The following HCN1 variants were observed in gnomAD, a reference collection of about 807,000 sequenced individuals.
The protein encoded by HCN1 is hyperpolarization activated cyclic nucleotide gated potassium channel 1, also known as potassium/sodium hyperpolarization-activated cyclic nucleotide-gated channel 1.
Under a neutral mutation model 78.9 loss-of-function variants are expected in HCN1, and 13 were observed. The ratio of observed to expected loss-of-function variants is 0.16; its 90% CI spans 0.11 to 0.26. HCN1 has a LOEUF of 0.26. HCN1 is among the 10% of genes least tolerant of loss of function. The pLI, the probability that HCN1 is intolerant of heterozygous loss-of-function variation, is 1.00. For synonymous variants in HCN1, 552 were observed against 455.5 expected (o/e 1.21, Z -2.70); for missense variants, 810 against 1,154.3 (o/e 0.70, Z 4.32).
intron 3 of HCN1, among the ~76,000 whole-genome samples, chr5:45,415,954 T>C (rs1740109806): frequency 6.6e-6 from 1 of 152,002 alleles, no homozygotes; most frequent in African/African-American, 2.4e-5. Context: ...TGTTGTAAGT[T>C]AAAAAGCCAG....
intron 2 of HCN1, among the ~76,000 whole-genome samples, chr5:45,515,773 G>C (rs984689598): frequency 6.6e-6 from 1 of 151,866 alleles, no homozygotes; most frequent in African/African-American, 2.4e-5. Context: ...TATCTTTTCA[G>C]ATTCTAAGAA....
intron 4 of HCN1, among the ~76,000 whole-genome samples, chr5:45,383,829 T>C (rs1747863156): frequency 6.6e-6 from 1 of 152,156 alleles, no homozygotes; most frequent in Non-Finnish European, 1.5e-5. Flanking sequence ...TTCCACAATA[T>C]TTTAATAGTA....
intron 5 of HCN1, among the ~76,000 whole-genome samples, chr5:45,350,715 T>C (rs1422922503): frequency 6.6e-6 from 1 of 151,086 alleles, no homozygotes. Flanking sequence ...ATCACAAGCA[T>C]TCTTATACAC....
intron 1 of HCN1, among the ~76,000 whole-genome samples, chr5:45,693,431 G>A (rs1472099318): frequency 6.6e-6 from 1 of 151,968 alleles, no homozygotes; most frequent in Non-Finnish European, 1.5e-5. Flanking sequence ...ATTTGTGCCT[G>A]CCATTTTCTT....
chr5:45,264,227 T>G (rs1744809570), intron 7 of HCN1, among the ~76,000 whole-genome samples: 1 of 152,360 alleles, frequency 6.6e-6, no homozygotes, highest in African/African-American at 2.4e-5. Context: ...CAATAAATTT[T>G]ACCTTTTCCT....
chr5:45,696,213 C>T lies in HCN1; in HGVS notation c.-120G>A. 1 of 407,230 alleles carries T rather than the reference C, an allele frequency of 2.5e-6. No individual in the cohort carries two copies. Among genetic ancestry groups the T allele is most frequent in the Non-Finnish European group, 3.4e-6 (1 of 291,502 alleles). 25.2% of individuals were successfully genotyped at this position (407,230 alleles called of 1,614,324 possible). On this transcript the variant is annotated 5_prime_UTR_variant, in exon 1 of 8. Transcript: ENST00000303230. ...GCTGCCGGCGAGCCCAGCTGCCCGT[C>T]GCGGCGGCGGCGGCGGCGGCGGCGG...
Position 45,489,427 on chromosome 5 carries a change from A to G in HCN1, c.850-27420T>C, listed in dbSNP as rs191321528. On this transcript the variant is annotated intron_variant, in intron 2 of 7. Coordinates refer to ENST00000303230, the MANE Select transcript of HCN1 (RefSeq NM_021072.4). ...ATAAAATAAAAATGTATTTAAATCAATTCCAGAATAAAAGTGTTTTTCTGT... is the reference window on the plus strand; with the variant it reads ...ATAAAATAAAAATGTATTTAAATCAGTTCCAGAATAAAAGTGTTTTTCTGT... Among the ~76,000 whole-genome samples, 9 of 152,274 alleles carry G rather than the reference A, an allele frequency of 5.9e-5. No homozygotes were observed. In the East Asian group the frequency reaches 1.7e-3, roughly 29 times the overall value.
Position 45,399,345 on chromosome 5 carries a change from A to C in HCN1, c.1012-2635T>G, listed in dbSNP as rs546986428. On this transcript the variant is annotated intron_variant, in intron 3 of 7. Transcript: ENST00000303230. ...TGTGTGTGTGATGCTGCCATCCTGCAGCTCTGCTGCTCATGTTCACACCCT... is the reference window on the plus strand; with the variant it reads ...TGTGTGTGTGATGCTGCCATCCTGCCGCTCTGCTGCTCATGTTCACACCCT... Among the ~76,000 whole-genome samples, 8 of 152,358 alleles carry C rather than the reference A, an allele frequency of 5.3e-5. No individual in the cohort carries two copies. The East Asian group carries it at 1.5e-3, about 29-fold the overall frequency.
chr5:45,387,467 T>C (rs1747948822), intron 4 of HCN1, among the ~76,000 whole-genome samples: 2 of 152,072 alleles, frequency 1.3e-5, no homozygotes, highest in Admixed American at 6.6e-5. Flanking sequence ...CATACTGAAT[T>C]TTTTTTAATA....
At chr5:45,316,918 T>C (rs1746005655) in intron 5 of HCN1, among the ~76,000 whole-genome samples, 2 of 152,132 alleles carry the variant, frequency 1.3e-5, no homozygotes, top group South Asian at 4.2e-4. Context: ...TAAAAGAGGA[T>C]ACAAACAAAT....
At chr5:45,691,792 C>G (rs1215102744) in intron 1 of HCN1, among the ~76,000 whole-genome samples, 1 of 152,104 alleles carries the variant, frequency 6.6e-6, no homozygotes, top group African/African-American at 2.4e-5. Flanking sequence ...GTGAAGCCTC[C>G]CTTCCCTAAT....
chr5:45,387,595 C>T (rs893397040), intron 4 of HCN1, among the ~76,000 whole-genome samples: 45 of 151,840 alleles, frequency 3.0e-4, no homozygotes, highest in Admixed American at 1.3e-3. Flanking sequence ...TAATGCATTC[C>T]AACATTTCTA....
intron 4 of HCN1, among the ~76,000 whole-genome samples, chr5:45,375,926 A>G (rs1381902472): frequency 1.6e-5 from 2 of 122,196 alleles, no homozygotes; most frequent in Non-Finnish European, 3.1e-5. Flanking sequence ...TATATTATAT[A>G]TGATATAATA....
chr5:45,551,699 A>G (rs368489482), intron 2 of HCN1, among the ~76,000 whole-genome samples: 7 of 151,950 alleles, frequency 4.6e-5, no homozygotes, highest in African/African-American at 1.2e-4. Flanking sequence ...GTTTCCAACA[A>G]TTATCTTTCT....
At chr5:45,268,365 G>A (rs1744900031) in intron 6 of HCN1, among the ~76,000 whole-genome samples, 1 of 152,002 alleles carries the variant, frequency 6.6e-6, no homozygotes, top group Non-Finnish European at 1.5e-5. Flanking sequence ...TTTTAATTTG[G>A]AAATAATTTA....
At chr5:45,370,057 GA>G (rs1579845178) in intron 4 of HCN1, among the ~76,000 whole-genome samples, 1 of 151,538 alleles carries the variant, frequency 6.6e-6, no homozygotes, top group East Asian at 1.9e-4. Context: ...TTTTTCTTGG[GA>G]AAAATTATAA....
At chr5:45,498,487 C>T (rs902591941) in intron 2 of HCN1, among the ~76,000 whole-genome samples, 1 of 152,148 alleles carries the variant, frequency 6.6e-6, no homozygotes, top group Non-Finnish European at 1.5e-5. Context: ...ATACATTCTT[C>T]TAACTTTTTT....
intron 2 of HCN1, among the ~76,000 whole-genome samples, chr5:45,634,646 T>A (rs926741717): frequency 3.9e-5 from 6 of 152,142 alleles, no homozygotes; most frequent in African/African-American, 1.4e-4. Flanking sequence ...TGGTAATCAC[T>A]GTTATTACAA....
At chr5:45,357,954 C>G (rs934059031) in intron 4 of HCN1, among the ~76,000 whole-genome samples, 1 of 151,972 alleles carries the variant, frequency 6.6e-6, no homozygotes. Context: ...TCCCCTCTCT[C>G]TCTCCCTCTT....
Sources: gnomAD v4.1 joint callset for allele counts (sites outside exome capture counted in the v4.1 genomes callset) on GRCh38, gnomAD v4.1.1 for gene constraint, MANE v1.5 for transcripts, NCBI Gene and HGNC (gene_info 2026-07-23, HGNC 2026-07-21) for gene names.